Variants in RPS17 observed in about 807,000 individuals in gnomAD.
The protein encoded by RPS17 is small ribosomal subunit protein eS17.
For missense variants in RPS17, 68 were observed against 182.3 expected (o/e 0.37, Z 3.61); for synonymous variants, 75 against 65.6 (o/e 1.14, Z -0.70).
intron 3 of RPS17, 174 bp from the exon 4 acceptor site, chr15:82,538,545 T>C (rs1210666480): frequency 1.4e-5 from 11 of 760,756 alleles, no homozygotes; most frequent in African/African-American, 1.2e-4. Flanking sequence ...CCTGTTCTTC[T>C]GGCCTTACCT....
chr15:82,537,528 T>C (rs1425746467), intron 4 of RPS17: 1 of 313,986 alleles, frequency 3.2e-6, no homozygotes, highest in Middle Eastern at 1.1e-3. Context: ...TTCAGGCTGG[T>C]AGGCAGGGCA....
intron 1 of RPS17, 72 bp from the exon 2 acceptor site, chr15:82,540,204 G>A (rs2034323208): frequency 1.9e-6 from 3 of 1,612,206 alleles, no homozygotes; most frequent in Non-Finnish European, 1.7e-6. Flanking sequence ...GCCGAGCCCC[G>A]GCCGGTGTGG....
chr15:82,538,588 G>A, intron 3 of RPS17: 1 of 679,970 alleles, frequency 1.5e-6, no homozygotes, highest in Non-Finnish European at 2.6e-6. Context: ...CAGAACACTT[G>A]AAGTCTGTGT....
chr15:82,538,315 C>T lies in RPS17; in HGVS notation c.318G>A (p.Leu106=), dbSNP rs930303752. The T allele has an allele frequency of 1.2e-5, 19 of 1,613,414 alleles. No individual in the cohort carries two copies. Among genetic ancestry groups the T allele is most frequent in the African/African-American group, 1.3e-5 (1 of 74,914 alleles). ...IEVDPDTKEM[L]KLLDFGSLSN... ...TCCAGCAAACACTTACCAAAAGCTT[C>T]AGCATTTCCTTAGTGTCAGGATCTA... Residue 106 remains leucine (L), a synonymous_variant, in exon 4 of 5, where the codon CTG becomes CTA. Transcript: ENST00000647841.
At chr15:82,540,259 C>G in intron 1 of RPS17, 127 bp from the exon 2 acceptor site, 1 of 1,603,246 alleles carries the variant, frequency 6.2e-7, no homozygotes, top group South Asian at 1.1e-5. Flanking sequence ...CCCGGCTAAA[C>G]AGTGCCGGGC....
At chr15:82,538,149 C>T (rs1230784736) in intron 4 of RPS17, 157 bp downstream of exon 4, 20 of 763,614 alleles carry the variant, frequency 2.6e-5, no homozygotes, top group East Asian at 5.4e-5. Context: ...ACACAACTTC[C>T]GCTACACCCC....
intron 2 of RPS17, chr15:82,539,227 T>TCCCCCC: frequency 3.3e-6 from 2 of 606,024 alleles, no homozygotes; most frequent in African/African-American, 2.0e-5. Context: ...CACCCCCAAC[T>TCCCCCC]CGCCCCGCCC....
chr15:82,539,716 A>G (rs2150888480), intron 2 of RPS17: 2 of 613,022 alleles, frequency 3.3e-6, no homozygotes, highest in African/African-American at 1.9e-5. Flanking sequence ...AAGAAAGAAA[A>G]AAGTTGACAA....
chr15:82,538,569 T>C (rs1452506188), intron 3 of RPS17, 198 bp from the exon 4 acceptor site: 3 of 706,898 alleles, frequency 4.2e-6, no homozygotes, highest in Non-Finnish European at 7.7e-6. Flanking sequence ...CATGCCCTCA[T>C]TCAGTATTCA....
chr15:82,539,408 C>A (rs2034302545), intron 2 of RPS17: 1 of 461,698 alleles, frequency 2.2e-6, no homozygotes, highest in East Asian at 6.8e-5. Flanking sequence ...TGACATCCAG[C>A]CGGGCGAGGT....
chr15:82,537,299 T>A (rs1321364619), intron 4 of RPS17: 1 of 300,378 alleles, frequency 3.3e-6, no homozygotes, highest in Non-Finnish European at 6.4e-6. Context: ...AGTTAGCAGG[T>A]ATCCCCTGGC....
intron 1 of RPS17, 126 bp downstream of exon 1, chr15:82,540,300 T>C (rs1370259099): frequency 1.5e-5 from 24 of 1,585,650 alleles, no homozygotes; most frequent in Non-Finnish European, 2.0e-5. Context: ...CGCCGGCCCG[T>C]TGCGCTCCAG....
At chr15:82,539,454 G>A (rs975803173) in intron 2 of RPS17, 1 of 459,186 alleles carries the variant, frequency 2.2e-6, no homozygotes, top group Non-Finnish European at 4.4e-6. Flanking sequence ...TTGGGAGGCC[G>A]AGGCGGGCGG....
At chr15:82,539,255 A>C in intron 2 of RPS17, 1 of 629,206 alleles carries the variant, frequency 1.6e-6, no homozygotes. Context: ...CAGTTTCACG[A>C]CCCTTCACAG....
chr15:82,538,802 A>G (rs2034285899), intron 3 of RPS17, 78 bp downstream of exon 3: 2 of 1,441,814 alleles, frequency 1.4e-6, no homozygotes, highest in Non-Finnish European at 2.0e-6. Context: ...GATTCAGCTG[A>G]GGTCCCTTTG....
At chr15:82,538,756 AC>A in intron 3 of RPS17, 123 bp downstream of exon 3, 1 of 1,055,132 alleles carries the variant, frequency 9.5e-7, no homozygotes, top group Admixed American at 1.7e-5. Flanking sequence ...ATGGGCACCC[AC>A]AGCTGGTTAT....
chr15:82,539,801 T>C (rs1448955149), intron 2 of RPS17, 180 bp downstream of exon 2: 2 of 1,132,872 alleles, frequency 1.8e-6, no homozygotes, highest in African/African-American at 1.5e-5. Context: ...CGGCCAGTCA[T>C]GACACAGGCC....
rs1033555796 is a variant in RPS17 at position 82,537,530 on chromosome 15, G to C, written c.328-649C>G. 5 of 316,224 alleles carry C rather than the reference G, an allele frequency of 1.6e-5. No individual in the cohort carries two copies. In the Admixed American group the frequency reaches 2.4e-4, roughly 15 times the overall value. 19.6% of individuals were successfully genotyped at this position (316,224 alleles called of 1,614,324 possible). A position where few individuals can be genotyped will look rare whatever the true frequency, so the allele number is the denominator to read the frequency against. On this transcript the variant is annotated intron_variant, in intron 4 of 4. Transcript: ENST00000647841. ...GCCCTCAAACAAGTTCAGGCTGGTA[G>C]GCAGGGCAAGAAGCCAAGGGCCCAA...
intron 2 of RPS17, 95 bp downstream of exon 2, chr15:82,539,886 G>C: frequency 6.2e-7 from 1 of 1,600,400 alleles, no homozygotes; most frequent in African/African-American, 1.3e-5. Context: ...TCAGGCTAAC[G>C]AAACCACCAA....
Sources: allele counts gnomAD v4.1 joint callset, GRCh38; gene constraint gnomAD v4.1.1; transcripts MANE v1.5; gene names NCBI Gene and HGNC (gene_info 2026-07-23, HGNC 2026-07-21).